The following SLC45A1 variants were observed in gnomAD, a reference collection of about 807,000 sequenced individuals.
The protein encoded by SLC45A1 is proton-associated sugar transporter A.
A neutral mutation model predicts 57.6 loss-of-function variants in SLC45A1; 28 were observed. The ratio of observed to expected loss-of-function variants is 0.49; its 90% CI spans 0.36 to 0.67. The LOEUF is 0.67. Among genes scored for constraint, SLC45A1 ranks in the 30% least tolerant of loss-of-function variants. SLC45A1 has a pLI of 0.00. For synonymous variants in SLC45A1, 459 were observed against 471.5 expected, an observed-to-expected ratio of 0.97 and a Z score of 0.34; for missense variants, 814 against 1,041.5, an observed-to-expected ratio of 0.78 and a Z score of 3.01.
chr1:8,334,013 G>T (rs969388068), intron 5 of SLC45A1, among the ~76,000 whole-genome samples: 1 of 152,218 alleles, frequency 6.6e-6, no homozygotes, highest in Admixed American at 6.5e-5. Flanking sequence ...CAGGTTGAGG[G>T]CACCGTCAGC....
In SLC45A1 at chr1:8,325,227, G is replaced by A. The variant is rs529519003; in HGVS notation, c.398-71G>A. 472 of 953,268 alleles carry A rather than the reference G, an allele frequency of 5.0e-4. 1 individual carries two copies. The highest frequency in any genetic ancestry group is 6.9e-4 in the Non-Finnish European group (409 of 589,578). The allele number at this position is 953,268 out of a possible 1,614,324, so 59.1% of individuals were successfully genotyped here. A position where few individuals can be genotyped will look rare whatever the true frequency, so the allele number is the denominator to read the frequency against. On this transcript the variant is annotated intron_variant, in intron 2 of 8. Transcript: ENST00000471889. The surrounding 1 kb of genome is among the most constrained non-coding windows in gnomAD (Gnocchi z 6.3). The stretch of plus-strand genomic sequence containing the variant: ...GTTTGAGAGCAGGCACTTCAGGAAT[G>A]TGGAGGCTGATTCGATGTCCCCATG...
intron 5 of SLC45A1, among the ~76,000 whole-genome samples, chr1:8,333,831 G>A (rs892722112): frequency 3.3e-5 from 5 of 152,232 alleles, no homozygotes; most frequent in African/African-American, 4.8e-5. Flanking sequence ...CCGTCTCAGC[G>A]TGAGGAAGGA....
chr1:8,332,069 G>A (rs1350819957), intron 5 of SLC45A1, among the ~76,000 whole-genome samples: 1 of 152,224 alleles, frequency 6.6e-6, no homozygotes, highest in Non-Finnish European at 1.5e-5. Flanking sequence ...TGCGATTACA[G>A]GCGTGAGCCA....
Position 8,330,241 on chromosome 1 carries a change from G to A in SLC45A1, c.748G>A (p.Gly250Arg), listed in dbSNP as rs1365705967. The A allele has an allele frequency of 2.5e-6, 4 of 1,613,776 alleles. No individual in the cohort carries two copies. The highest frequency in any genetic ancestry group is 3.4e-6 in the Non-Finnish European group (4 of 1,179,978). ...LGGGFGYVVGGIHWDKTGFGR... is the reference protein window; with the variant it reads ...LGGGFGYVVGRIHWDKTGFGR... ...AGGAGGCTTTGGATACGTGGTCGGCGGAATCCACTGGGATAAAACGGGCTT... is the reference window on the plus strand; with the variant it reads ...AGGAGGCTTTGGATACGTGGTCGGCAGAATCCACTGGGATAAAACGGGCTT... The change falls in exon 5 of 9, where the codon GGA (glycine) becomes AGA (arginine). Residue 250 changes from glycine (G) to arginine (R), a missense_variant. Physicochemically the swap from Gly to Arg is moderately radical, Grantham distance 125. Coordinates refer to ENST00000471889, the MANE Select transcript of SLC45A1 (RefSeq NM_001080397.3). The surrounding 1 kb of genome is among the most constrained non-coding windows in gnomAD (Gnocchi z 8.4).
intron 8 of SLC45A1, among the ~76,000 whole-genome samples, chr1:8,342,531 G>C (rs1640859171): frequency 6.6e-6 from 1 of 152,134 alleles, no homozygotes; most frequent in Admixed American, 6.5e-5. Context: ...GCAGTCTGCG[G>C]CCTCTCGTGT....
intron 5 of SLC45A1, among the ~76,000 whole-genome samples, chr1:8,332,248 T>C (rs1308709019): frequency 6.7e-6 from 1 of 148,738 alleles, no homozygotes; most frequent in Non-Finnish European, 1.5e-5. Flanking sequence ...GGGAATCCTG[T>C]GCCAATACAT....
Position 8,344,116 on chromosome 1 carries a change from C to A in SLC45A1, c.*103C>A. The A allele has an allele frequency of 9.4e-7, 1 of 1,061,740 alleles. No individual in the cohort carries two copies. Among genetic ancestry groups the A allele is most frequent in the Non-Finnish European group, 1.3e-6 (1 of 746,350 alleles). 65.8% of individuals were successfully genotyped at this position (1,061,740 alleles called of 1,614,324 possible). On this transcript the variant is annotated 3_prime_UTR_variant, in exon 9 of 9. Coordinates refer to ENST00000471889, the MANE Select transcript of SLC45A1 (RefSeq NM_001080397.3). Reference sequence around the variant, plus strand: ...CTTGTTGGACAGGGGGACTGGCTGCCTACTGGAATGTAAATATGTGATAAA... The same window carrying A: ...CTTGTTGGACAGGGGGACTGGCTGCATACTGGAATGTAAATATGTGATAAA...
rs774616329 is a variant in SLC45A1 at position 8,330,570 on chromosome 1, G to A, written c.1077G>A (p.Thr359=). The A allele has an allele frequency of 2.2e-5, 35 of 1,613,304 alleles. No individual in the cohort carries two copies. The highest frequency in any genetic ancestry group is 1.8e-4 in the Admixed American group (11 of 60,002). ...GSFISRDSSL[T]GISEFASSFG... ...TCATCAGCAGGGACAGCTCCCTGAC[G>A]GGCATCAGCGAGTTCGCCTCATCCT... is the stretch of plus-strand genomic sequence containing the variant. The change falls in exon 5 of 9, where the codon ACG becomes ACA. Residue 359 remains threonine (T), a synonymous_variant. Transcript: ENST00000471889. The surrounding 1 kb of genome is among the most constrained non-coding windows in gnomAD (Gnocchi z 8.4).
Position 8,337,906 on chromosome 1 carries a change from C to T in SLC45A1, c.1688C>T (p.Ser563Leu). 1 of 1,614,084 alleles carries T rather than the reference C, an allele frequency of 6.2e-7. No individual in the cohort carries two copies. The highest frequency in any genetic ancestry group is 8.5e-7 in the Non-Finnish European group (1 of 1,180,006). ...GGGGACCCCAAGGCCCCGCACACAT[C>T]AGAGGCGTATCAGAAGTACAACAGC... is the stretch of plus-strand genomic sequence containing the variant. Reference protein sequence around the residue: ...FQGDPKAPHTSEAYQKYNSGV... With the variant: ...FQGDPKAPHTLEAYQKYNSGV... Residue 563 changes from serine (S) to leucine (L), a missense_variant, in exon 7 of 9, where the codon TCA becomes TTA. Transcript: ENST00000471889.
rs1408647240 is a variant in SLC45A1 at position 8,328,952 on chromosome 1, T to C, written c.716-1257T>C. Among the ~76,000 whole-genome samples the C allele has an allele frequency of 6.6e-6, 1 of 152,136 alleles. No individual in the cohort carries two copies. ...GGAGGAGGGAAGGCAATTAGAATCA[T>C]GAGTGTGGGAAGTCAAGAATAATAA... is the stretch of plus-strand genomic sequence containing the variant. On this transcript the variant is annotated intron_variant, in intron 4 of 8. Transcript: ENST00000471889. The surrounding 1 kb of genome is among the most constrained non-coding windows in gnomAD (Gnocchi z 4.6).
At chr1:8,324,067 A>G (rs781348460) in intron 1 of SLC45A1, among the ~76,000 whole-genome samples, 4 of 152,094 alleles carry the variant, frequency 2.6e-5, no homozygotes, top group Non-Finnish European at 5.9e-5. Context: ...TTTGAGTTTG[A>G]GGTGGGGACC....
chr1:8,343,865 C>T lies in SLC45A1; in HGVS notation c.2099C>T (p.Ser700Leu), dbSNP rs758805150. Residue 700 changes from serine (S) to leucine (L), a missense_variant, in exon 9 of 9, where the codon TCG (serine) becomes TTG (leucine). Coordinates refer to ENST00000471889, the MANE Select transcript of SLC45A1 (RefSeq NM_001080397.3). This position sits in a 1 kb window ranked among gnomAD's most constrained non-coding sequence, Gnocchi z 7.7. ...LVSLVLGPLT[S>L]AVGSANGVMY... ...TCCCTGGTCCTGGGGCCCCTGACCT[C>T]GGCCGTGGGCAGTGCCAACGGGGTG... is the stretch of plus-strand genomic sequence containing the variant. 3.1e-6 allele frequency: 5 copies of T among 1,614,034 alleles called. No homozygotes were observed. The East Asian group carries it at 6.7e-5, about 22-fold the overall frequency.
intron 5 of SLC45A1, among the ~76,000 whole-genome samples, chr1:8,332,460 C>T (rs11590467): frequency 0.55 from 82,711 of 151,402 alleles, 23,112 homozygotes; most frequent in East Asian, 0.8. Flanking sequence ...AAGTTGTATA[C>T]GTCAGATGGG....
Position 8,330,183 on chromosome 1 carries a change from A to G in SLC45A1, c.716-26A>G. The G allele has an allele frequency of 6.2e-7, 1 of 1,602,782 alleles. No individual in the cohort carries two copies. The highest frequency in any genetic ancestry group is 1.3e-5 in the African/African-American group (1 of 74,428). ...TGGGGCTTCTCCTCCCGCAGAAGGGAACTCAAACCCTGTCTCTTTCCCCAG... is the reference window on the plus strand; with the variant it reads ...TGGGGCTTCTCCTCCCGCAGAAGGGGACTCAAACCCTGTCTCTTTCCCCAG... On this transcript the variant is annotated intron_variant, in intron 4 of 8. Transcript: ENST00000471889. This position sits in a 1 kb window ranked among gnomAD's most constrained non-coding sequence, Gnocchi z 8.4.
In SLC45A1 at chr1:8,335,994, C is replaced by T. The variant is rs893399958; in HGVS notation, c.1597+404C>T. ...AGCACAGACCCCACACCTGCCTGCC[C>T]GTGTCTATTGCTGTTTGTAAATTCA... On this transcript the variant is annotated intron_variant, in intron 6 of 8. Transcript: ENST00000471889. This position sits in a 1 kb window ranked among gnomAD's most constrained non-coding sequence, Gnocchi z 4.1. 4.6e-5 allele frequency: 9 copies of T among 193,680 alleles called. No individual in the cohort carries two copies. The highest frequency in any genetic ancestry group is 3.6e-4 in the East Asian group (3 of 8,238). 12.0% of individuals were successfully genotyped at this position (193,680 alleles called of 1,614,324 possible).
intron 5 of SLC45A1, among the ~76,000 whole-genome samples, chr1:8,333,052 C>T (rs991297202): frequency 1.3e-5 from 2 of 152,038 alleles, no homozygotes; most frequent in Non-Finnish European, 2.9e-5. Flanking sequence ...GCACGTGGGC[C>T]GTGTCTCCTG....
rs992198338 is a variant in SLC45A1 at position 8,324,321 on chromosome 1, C to A, written c.-9C>A. 9 of 1,609,636 alleles carry A rather than the reference C, an allele frequency of 5.6e-6. No individual in the cohort carries two copies. The highest frequency in any genetic ancestry group is 7.6e-6 in the Non-Finnish European group (9 of 1,177,838). On this transcript the variant is annotated 5_prime_UTR_variant, in exon 2 of 9. Transcript: ENST00000471889. ...TTCCTCACAGGGACGCCCACCAGCC[C>A]TCCCCACGATGATCCCCGCAGCCAG... is the stretch of plus-strand genomic sequence containing the variant.
chr1:8,335,648 A>T lies in SLC45A1; in HGVS notation c.1597+58A>T. The T allele has an allele frequency of 1.3e-6, 2 of 1,506,112 alleles. No individual in the cohort carries two copies. Among genetic ancestry groups the T allele is most frequent in the Admixed American group, 2.1e-5 (1 of 47,798 alleles). 93.3% of individuals were successfully genotyped at this position (1,506,112 alleles called of 1,614,324 possible). On this transcript the variant is annotated intron_variant, in intron 6 of 8. Transcript: ENST00000471889. The surrounding 1 kb of genome is among the most constrained non-coding windows in gnomAD (Gnocchi z 4.1). ...TGGTCCTGCTCAGGGCTCTCGCCCC[A>T]CTGGCCTCCCAGGATGCCCCTGAGC...
chr1:8,324,969 G>T (rs181673670), intron 2 of SLC45A1, among the ~76,000 whole-genome samples: 78 of 152,316 alleles, frequency 5.1e-4, no homozygotes, highest in African/African-American at 1.8e-3. Flanking sequence ...CTGATGCCAG[G>T]CTCTCCTTGT....
Sources: gnomAD v4.1 joint callset for allele counts (sites outside exome capture counted in the v4.1 genomes callset) on GRCh38, gnomAD v4.1.1 for gene constraint, Gnocchi (gnomAD v3.1) non-coding constraint, MANE v1.5 for transcripts, NCBI Gene and HGNC (gene_info 2026-07-23, HGNC 2026-07-21) for gene names.